The following XKR4 variants were observed in gnomAD, a reference collection of about 807,000 sequenced individuals.
The protein encoded by XKR4 is XK related 4, also known as XK-related protein 4.
In XKR4, 12 loss-of-function variants were observed where a neutral mutation model predicts 53.9. The observed-to-expected ratio is 0.22, with a 90% CI of 0.14 to 0.36. The LOEUF (loss-of-function observed/expected upper bound fraction) is 0.36. XKR4 is among the 10% of genes least tolerant of loss of function. The pLI, the probability that XKR4 is intolerant of heterozygous loss-of-function variation, is 1.00. For missense variants in XKR4, 799 were observed against 859.5 expected, an observed-to-expected ratio of 0.93 and a Z score of 0.88; for synonymous variants, 354 against 362.4, an observed-to-expected ratio of 0.98 and a Z score of 0.26.
rs1585878538 is a variant in XKR4, at chr8:55,102,796, A to G, written c.308A>G (p.Glu103Gly). The G allele has an allele frequency of 6.2e-7, 1 of 1,601,112 alleles. No individual in the cohort carries two copies. Residue 103 changes from glutamate (E) to glycine (G), a missense_variant, in exon 1 of 3, where the codon GAG becomes GGG. Glu to Gly is a moderately conservative substitution (Grantham distance 98, BLOSUM62 -2). Transcript: ENST00000327381. The surrounding 1 kb of genome is among the most constrained non-coding windows in gnomAD (Gnocchi z 5.1). ...SAALCLRLGREQRRYSLWDCL... is the reference protein window; with the variant it reads ...SAALCLRLGRGQRRYSLWDCL... ...GCGCTGTGCCTGCGCCTGGGCAGGG[A>G]GCAGCGGCGCTACTCACTGTGGGAC...
intron 1 of XKR4, among the ~76,000 whole-genome samples, chr8:55,146,867 C>T (rs1399021169): frequency 6.6e-6 from 1 of 152,190 alleles, no homozygotes; most frequent in African/African-American, 2.4e-5. Context: ...GATACAGATG[C>T]CCTTTGGGTA....
intron 1 of XKR4, among the ~76,000 whole-genome samples, chr8:55,107,146 A>G (rs562400323): frequency 1.3e-5 from 2 of 152,170 alleles, no homozygotes; most frequent in Non-Finnish European, 2.9e-5. Flanking sequence ...AAAATATACA[A>G]ATGTTTTTTT....
chr8:55,507,759 T>C (rs577781938), intron 2 of XKR4, among the ~76,000 whole-genome samples: 1 of 152,212 alleles, frequency 6.6e-6, no homozygotes, highest in African/African-American at 2.4e-5. Flanking sequence ...TGTTGGACAT[T>C]TGGGTTGGTT....
intron 2 of XKR4, among the ~76,000 whole-genome samples, chr8:55,364,893 TG>T (rs1330245588): frequency 3.9e-5 from 6 of 152,234 alleles, no homozygotes; most frequent in African/African-American, 1.4e-4. Context: ...CCCAAAGTGC[TG>T]GGATTACAGG....
intron 1 of XKR4, among the ~76,000 whole-genome samples, chr8:55,272,695 C>A (rs1167177037): frequency 6.6e-6 from 1 of 152,232 alleles, no homozygotes; most frequent in Non-Finnish European, 1.5e-5. Flanking sequence ...GTTAAATCAG[C>A]ATACACAGCA....
intron 2 of XKR4, among the ~76,000 whole-genome samples, chr8:55,383,759 T>C (rs1261289515): frequency 6.6e-6 from 1 of 152,108 alleles, no homozygotes; most frequent in Non-Finnish European, 1.5e-5. Context: ...GAAGATTGGG[T>C]AGATCCTTTA....
intron 2 of XKR4, among the ~76,000 whole-genome samples, chr8:55,397,596 T>TC (rs1199034958): frequency 6.6e-6 from 1 of 151,604 alleles, no homozygotes; most frequent in Non-Finnish European, 1.5e-5. Flanking sequence ...TTTTTTTTTT[T>TC]TCTAGGAACT....
chr8:55,113,395 G>A (rs927295643), intron 1 of XKR4, among the ~76,000 whole-genome samples: 6 of 152,150 alleles, frequency 3.9e-5, no homozygotes, highest in African/African-American at 1.4e-4. Context: ...CAGATTTTCA[G>A]TTCTTAGAAG....
chr8:55,154,660 G>T (rs576969313), intron 1 of XKR4, among the ~76,000 whole-genome samples: 1 of 152,102 alleles, frequency 6.6e-6, no homozygotes, highest in Non-Finnish European at 1.5e-5. Flanking sequence ...CCTCTGAAAA[G>T]CTTTCCAGGG....
intron 1 of XKR4, among the ~76,000 whole-genome samples, chr8:55,139,610 T>C (rs561938542): frequency 4.0e-5 from 6 of 151,384 alleles, no homozygotes; most frequent in African/African-American, 1.5e-4. Flanking sequence ...TTGACATCAA[T>C]GCCGTATTCA....
intron 1 of XKR4, among the ~76,000 whole-genome samples, chr8:55,299,641 A>G (rs1363329286): frequency 6.6e-6 from 1 of 151,716 alleles, no homozygotes; most frequent in East Asian, 2.0e-4. Context: ...GATGCAACAT[A>G]TTGGGATAAA....
At chr8:55,275,715 G>A (rs1164744424) in intron 1 of XKR4, among the ~76,000 whole-genome samples, 1 of 152,116 alleles carries the variant, frequency 6.6e-6, no homozygotes, top group Non-Finnish European at 1.5e-5. Context: ...AATTTACTCA[G>A]CCAAGAAAAA....
At chr8:55,521,219 A>G (rs1806791413) in intron 2 of XKR4, among the ~76,000 whole-genome samples, 2 of 152,386 alleles carry the variant, frequency 1.3e-5, no homozygotes, top group Admixed American at 1.3e-4. Flanking sequence ...AGTGGTACAC[A>G]TAAGAAGAGA....
chr8:55,362,516 T>A (rs1364788381), intron 2 of XKR4, among the ~76,000 whole-genome samples: 3 of 152,002 alleles, frequency 2.0e-5, no homozygotes, highest in African/African-American at 7.2e-5. Flanking sequence ...AAGCCTGAAA[T>A]GGTGGAGGAC....
chr8:55,451,826 T>A, intron 2 of XKR4: 1 of 941,254 alleles, frequency 1.1e-6, no homozygotes, highest in South Asian at 1.4e-5. Context: ...ACCAGGAGGC[T>A]GCTCATGGTC....
At chr8:55,191,686 T>C (rs547509928) in intron 1 of XKR4, among the ~76,000 whole-genome samples, 1,431 of 68,232 alleles carry the variant, frequency 0.021, 10 homozygotes, top group Non-Finnish European at 0.028. Context: ...AGTACAATTC[T>C]TTTTTTTTTT....
intron 2 of XKR4, among the ~76,000 whole-genome samples, chr8:55,446,011 T>G (rs1805341256): frequency 6.6e-6 from 1 of 152,230 alleles, no homozygotes; most frequent in Admixed American, 6.5e-5. Flanking sequence ...CATTTCTGTC[T>G]GAAGGGCTGA....
intron 1 of XKR4, among the ~76,000 whole-genome samples, chr8:55,345,727 C>A (rs761134778): frequency 2.6e-5 from 4 of 152,252 alleles, no homozygotes; most frequent in South Asian, 2.1e-4. Context: ...ACACTCATTG[C>A]TTTGGGAGAA....
chr8:55,183,151 T>G (rs1345386135), intron 1 of XKR4, among the ~76,000 whole-genome samples: 3 of 151,992 alleles, frequency 2.0e-5, no homozygotes, highest in Non-Finnish European at 2.9e-5. Flanking sequence ...TTATCAATTT[T>G]ATTGATCTAA....
Sources: gnomAD v4.1 joint callset for allele counts (sites outside exome capture counted in the v4.1 genomes callset) on GRCh38, gnomAD v4.1.1 for gene constraint, Gnocchi (gnomAD v3.1) non-coding constraint, MANE v1.5 for transcripts, NCBI Gene and HGNC (gene_info 2026-07-23, HGNC 2026-07-21) for gene names.